FAM83G: variants seen among roughly 807,000 people sequenced by gnomAD.
FAM83G encodes the protein scaffolding CK1 anchoring protein G.
Under a neutral mutation model 61.5 loss-of-function variants are expected in FAM83G, and 38 were observed. The observed-to-expected ratio is 0.62, with a 90% confidence interval of 0.48 to 0.81. The LOEUF (loss-of-function observed/expected upper bound fraction) is 0.81, where lower values mean the gene tolerates loss of function less well. Ranked by LOEUF, FAM83G falls within the 30% of genes least tolerant of loss-of-function variation. The pLI is 0.00. For missense variants in FAM83G, 989 were observed against 1,133.6 expected, an observed-to-expected ratio of 0.87 and a Z score of 1.83; for synonymous variants, 470 against 476.1, an observed-to-expected ratio of 0.99 and a Z score of 0.17.
In FAM83G at chr17:18,969,144, G is replaced by T. The variant is rs1468864190; in HGVS notation, c.*2215C>A. 2 of 1,613,948 alleles carry T rather than the reference G, an allele frequency of 1.2e-6. No homozygotes were observed. Among genetic ancestry groups the T allele is most frequent in the Admixed American group, 3.3e-5 (2 of 59,994 alleles). ...TCCTCACGCTCGGCATCACAGCCCT[G>T]TACACCATCGCAGGTATGGTGCCTG... On this transcript the variant is annotated 3_prime_UTR_variant, in exon 6 of 6. Coordinates refer to ENST00000388995, the MANE Select transcript of FAM83G (RefSeq NM_001039999.3).
Position 18,969,553 on chromosome 17 carries a change from C to A in FAM83G, c.*1806G>T. On this transcript the variant is annotated 3_prime_UTR_variant, in exon 6 of 6. Coordinates refer to ENST00000388995, the MANE Select transcript of FAM83G (RefSeq NM_001039999.3). ...TAGCATCGCTGGGAGTGGGTGGGTT[C>A]AGGAGGTTGAGCCACTAGGCAGTCA... is the stretch of plus-strand genomic sequence containing the variant. 1 of 839,466 alleles carries A rather than the reference C, an allele frequency of 1.2e-6. No homozygotes were observed. The highest frequency in any genetic ancestry group is 1.8e-6 in the Non-Finnish European group (1 of 545,362). 52.0% of individuals were successfully genotyped at this position (839,466 alleles called of 1,614,324 possible).
chr17:18,979,141 G>T, intron 4 of FAM83G: 1 of 516,236 alleles, frequency 1.9e-6, no homozygotes, highest in East Asian at 3.4e-5. Flanking sequence ...ACTGTGGGGG[G>T]TTCTGCATGT....
At chr17:18,984,660 T>C (rs2043224660) in intron 3 of FAM83G, among the ~76,000 whole-genome samples, 1 of 152,224 alleles carries the variant, frequency 6.6e-6, no homozygotes, top group Admixed American at 6.5e-5. Context: ...GGCCCAGGCA[T>C]CTCATGGCTC....
At chr17:18,983,151 G>A (rs556513394) in intron 3 of FAM83G, among the ~76,000 whole-genome samples, 3 of 152,350 alleles carry the variant, frequency 2.0e-5, no homozygotes, top group African/African-American at 7.2e-5. Context: ...AAAGTGACCT[G>A]CCCACTGTCT....
Position 19,004,193 on chromosome 17 carries a change from C to G in FAM83G, c.-128-24G>C. On this transcript the variant is annotated intron_variant, in intron 1 of 5. Transcript: ENST00000388995. The surrounding 1 kb of genome is among the most constrained non-coding windows in gnomAD (Gnocchi z 5.4). ...ATCTGCGGGAAAGACCTGATGAGCC[C>G]GGCTCGGCGGGGAGGGCGGGCCGCG... The G allele has an allele frequency of 2.9e-6, 1 of 344,886 alleles. No individual in the cohort carries two copies. Among genetic ancestry groups the G allele is most frequent in the Non-Finnish European group, 4.6e-6 (1 of 218,446 alleles). The allele number at this position is 344,886 out of a possible 1,614,324, so 21.4% of individuals were successfully genotyped here.
At chr17:18,993,133 A>G (rs985858361) in intron 2 of FAM83G, among the ~76,000 whole-genome samples, 1 of 152,154 alleles carries the variant, frequency 6.6e-6, no homozygotes, top group Non-Finnish European at 1.5e-5. Flanking sequence ...CCTCTGCAGC[A>G]GCACCTCTTC....
At position 18,968,915 on chromosome 17, in the gene FAM83G, G is replaced by A. The variant is rs1233674793; in HGVS notation, c.*2444C>T. 3 of 708,384 alleles carry A rather than the reference G, an allele frequency of 4.2e-6. No individual in the cohort carries two copies. The highest frequency in any genetic ancestry group is 4.6e-6 in the Non-Finnish European group (2 of 436,746). 43.9% of individuals were successfully genotyped at this position (708,384 alleles called of 1,614,324 possible). A position where few individuals can be genotyped will look rare whatever the true frequency, so the allele number is the denominator to read the frequency against. On this transcript the variant is annotated 3_prime_UTR_variant, in exon 6 of 6. Coordinates refer to ENST00000388995, the MANE Select transcript of FAM83G (RefSeq NM_001039999.3). This position sits in a 1 kb window ranked among gnomAD's most constrained non-coding sequence, Gnocchi z 4.1. ...TCACAATGGCCCCGTGATGCAGGCAGGCAGGCGAGTGGGGGTCTCCCCTCC... is the reference window on the plus strand; with the variant it reads ...TCACAATGGCCCCGTGATGCAGGCAAGCAGGCGAGTGGGGGTCTCCCCTCC...
At chr17:18,984,484 G>A (rs145521594) in intron 3 of FAM83G, among the ~76,000 whole-genome samples, 483 of 152,350 alleles carry the variant, frequency 3.2e-3, no homozygotes, top group Middle Eastern at 0.014. Context: ...CCTGTCCAGC[G>A]TGAGGCCTGA....
rs1052552401 is a variant in FAM83G at position 19,003,194 on chromosome 17, G to T, written c.522+326C>A. 3.3e-5 allele frequency among the ~76,000 whole-genome samples: 5 copies of T among 150,556 alleles called. No individual in the cohort carries two copies. Among genetic ancestry groups the T allele is most frequent in the Non-Finnish European group, 5.9e-5 (4 of 67,630 alleles). ...CCACTCTAAGGGAGAGTGAGAGGAAGCCCTGGGGTTCCTCCCCTCCCCACT... is the reference window on the plus strand; with the variant it reads ...CCACTCTAAGGGAGAGTGAGAGGAATCCCTGGGGTTCCTCCCCTCCCCACT... On this transcript the variant is annotated intron_variant, in intron 2 of 5. Transcript: ENST00000388995. This position sits in a 1 kb window ranked among gnomAD's most constrained non-coding sequence, Gnocchi z 4.5.
chr17:18,995,020 C>T (rs2043527407), intron 2 of FAM83G, among the ~76,000 whole-genome samples: 1 of 152,156 alleles, frequency 6.6e-6, no homozygotes, highest in Admixed American at 6.5e-5. Context: ...TTCCAAGTAA[C>T]CTAACTGCAT....
At chr17:19,005,951 A>G (rs1354111179), upstream of FAM83G, among the ~76,000 whole-genome samples, 1 of 152,190 alleles carries the variant, frequency 6.6e-6, no homozygotes, top group Non-Finnish European at 1.5e-5. Context: ...ACCCATTTAT[A>G]GCCCCTCTGC....
intron 4 of FAM83G, 22 bp from the exon 5 acceptor site, chr17:18,978,872 C>T (rs751477984): frequency 6.2e-7 from 1 of 1,608,634 alleles, no homozygotes; most frequent in Non-Finnish European, 8.5e-7. Context: ...GGAGGGGGCG[C>T]TGGTCAGGCA....
chr17:19,004,015 C>A lies in FAM83G; in HGVS notation c.27G>T (p.Leu9=). 1 of 1,607,884 alleles carries A rather than the reference C, an allele frequency of 6.2e-7. No homozygotes were observed. Among genetic ancestry groups the A allele is most frequent in the Non-Finnish European group, 8.5e-7 (1 of 1,176,968 alleles). The change falls in exon 2 of 6, where the codon CTG becomes CTT. Residue 9 remains leucine (L), a synonymous_variant. Coordinates refer to ENST00000388995, the MANE Select transcript of FAM83G (RefSeq NM_001039999.3). The surrounding 1 kb of genome is among the most constrained non-coding windows in gnomAD (Gnocchi z 5.4). ...AGCGCCAGTTCACATGGTTGTCGTC[C>A]AGACACTGCACCTGAGAGAAGGCCA... MAFSQVQC[L]DDNHVNWRSS...
chr17:18,999,039 G>A (rs570995663), intron 2 of FAM83G, among the ~76,000 whole-genome samples: 1 of 152,336 alleles, frequency 6.6e-6, no homozygotes, highest in South Asian at 2.1e-4. Context: ...CAGCACTTTG[G>A]GAGGCAGAGG....
At position 18,968,976 on chromosome 17, in the gene FAM83G, G is replaced by C; in HGVS notation, c.*2383C>G. The C allele has an allele frequency of 1.4e-6, 2 of 1,462,256 alleles. No individual in the cohort carries two copies. The highest frequency in any genetic ancestry group is 2.6e-5 in the South Asian group (2 of 76,348). 90.6% of individuals were successfully genotyped at this position (1,462,256 alleles called of 1,614,324 possible). A position where few individuals can be genotyped will look rare whatever the true frequency, so the allele number is the denominator to read the frequency against. ...GCCACCGAGGCCCAGAGAGGGCCTT[G>C]CCCGAGGTCACCCAGGGAGTGGCTT... On this transcript the variant is annotated 3_prime_UTR_variant, in exon 6 of 6. Coordinates refer to ENST00000388995, the MANE Select transcript of FAM83G (RefSeq NM_001039999.3). This position sits in a 1 kb window ranked among gnomAD's most constrained non-coding sequence, Gnocchi z 4.1.
chr17:18,977,263 G>T, intron 5 of FAM83G: 2 of 587,036 alleles, frequency 3.4e-6, no homozygotes, highest in East Asian at 2.9e-5. Flanking sequence ...CTGCAAACTA[G>T]GGACTGTGCC....
In FAM83G at chr17:18,970,067, A is replaced by G. The variant is rs2042803375; in HGVS notation, c.*1292T>C. The G allele has an allele frequency of 6.6e-6, 1 of 152,270 alleles. No homozygotes were observed. The highest frequency in any genetic ancestry group is 1.9e-4 in the East Asian group (1 of 5,198). The allele number at this position is 152,270 out of a possible 1,614,324, so 9.4% of individuals were successfully genotyped here. A position where few individuals can be genotyped will look rare whatever the true frequency, so the allele number is the denominator to read the frequency against. On this transcript the variant is annotated 3_prime_UTR_variant, in exon 6 of 6. Coordinates refer to ENST00000388995, the MANE Select transcript of FAM83G (RefSeq NM_001039999.3). Reference sequence around the variant, plus strand: ...GTGGCTGAGCAGTTTCTAACCCTTGAATGGCACTTGTTCATTTGCTCTGAG... The same window carrying G: ...GTGGCTGAGCAGTTTCTAACCCTTGGATGGCACTTGTTCATTTGCTCTGAG...
At chr17:18,979,823 G>T in intron 3 of FAM83G, 150 bp from the exon 4 acceptor site, 1 of 875,246 alleles carries the variant, frequency 1.1e-6, no homozygotes, top group South Asian at 1.6e-5. Flanking sequence ...AAAGGGGCTG[G>T]TGTGTCTGGG....
At chr17:18,981,567 C>A (rs1210387414) in intron 3 of FAM83G, among the ~76,000 whole-genome samples, 1 of 152,158 alleles carries the variant, frequency 6.6e-6, no homozygotes, top group Non-Finnish European at 1.5e-5. Context: ...GCCATGCCAT[C>A]CAGCCTCCTG....
Sources: gnomAD v4.1 joint callset for allele counts (sites outside exome capture counted in the v4.1 genomes callset) on GRCh38, gnomAD v4.1.1 for gene constraint, Gnocchi (gnomAD v3.1) non-coding constraint, MANE v1.5 for transcripts, NCBI Gene and HGNC (gene_info 2026-07-23, HGNC 2026-07-21) for gene names.